Variants in KLHL29 observed in about 807,000 individuals in gnomAD.
KLHL29 encodes the protein kelch like family member 29.
A neutral mutation model predicts 80.4 loss-of-function variants in KLHL29; 21 were observed. That is an observed-to-expected ratio of 0.26 (90% confidence interval 0.19 to 0.38). KLHL29 has a LOEUF of 0.38. Ranked by LOEUF, KLHL29 falls within the 10% of genes least tolerant of loss-of-function variation. The pLI is 1.00. For missense variants in KLHL29, 867 were observed against 1,223.9 expected (o/e 0.71, Z 4.35); for synonymous variants, 511 against 526.8 (o/e 0.97, Z 0.41).
At chr2:23,688,552 T>C (rs2149199012) in intron 6 of KLHL29, among the ~76,000 whole-genome samples, 1 of 152,270 alleles carries the variant, frequency 6.6e-6, no homozygotes. Flanking sequence ...TAGCCATTCC[T>C]CTGCTGAGCA....
At position 23,551,909 on chromosome 2, in the gene KLHL29, G is replaced by T. The variant is rs1193608611; in HGVS notation, c.-45-10243G>T. Among the ~76,000 whole-genome samples, 11 of 152,378 alleles carry T rather than the reference G, an allele frequency of 7.2e-5. No individual in the cohort carries two copies. The East Asian group carries it at 1.9e-3, about 27-fold the overall frequency. On this transcript the variant is annotated intron_variant, in intron 2 of 13. Transcript: ENST00000486442. ...TATGGACCACATTTTGAGTAGGGAG[G>T]AGATAGGCCACTATGCCCAGCCCTG...
chr2:23,448,113 A>G (rs1194403080), intron 1 of KLHL29, among the ~76,000 whole-genome samples: 2 of 152,096 alleles, frequency 1.3e-5, no homozygotes, highest in Non-Finnish European at 2.9e-5. Flanking sequence ...AATACTTTGT[A>G]TACTAAGGAC....
chr2:23,460,133 C>A (rs1664169494), intron 1 of KLHL29, among the ~76,000 whole-genome samples: 1 of 152,208 alleles, frequency 6.6e-6, no homozygotes, highest in African/African-American at 2.4e-5. Flanking sequence ...TCCAACATGC[C>A]TATCTCAACC....
At chr2:23,458,944 A>G (rs934506876) in intron 1 of KLHL29, among the ~76,000 whole-genome samples, 1 of 152,240 alleles carries the variant, frequency 6.6e-6, no homozygotes, top group African/African-American at 2.4e-5. Flanking sequence ...TTGCTGCAAC[A>G]TGAAAGCAGA....
intron 5 of KLHL29, among the ~76,000 whole-genome samples, chr2:23,665,516 G>A (rs537641788): frequency 6.6e-6 from 1 of 152,292 alleles, no homozygotes; most frequent in South Asian, 2.1e-4. Context: ...TTTCAACTAG[G>A]GAACTGTCCT....
At chr2:23,613,790 A>AAC (rs1668933636) in intron 3 of KLHL29, among the ~76,000 whole-genome samples, 1 of 146,586 alleles carries the variant, frequency 6.8e-6, no homozygotes, top group African/African-American at 2.5e-5. Context: ...AAAAAAAAAA[A>AAC]CCCACCACTC....
At chr2:23,388,518 C>T (rs1444119791) in intron 1 of KLHL29, among the ~76,000 whole-genome samples, 5 of 152,148 alleles carry the variant, frequency 3.3e-5, no homozygotes, top group East Asian at 1.9e-4. Context: ...AAGTGAGGCA[C>T]ATCATTAGTC....
intron 1 of KLHL29, among the ~76,000 whole-genome samples, chr2:23,441,879 G>C (rs1276261367): frequency 6.6e-6 from 1 of 152,146 alleles, no homozygotes; most frequent in Non-Finnish European, 1.5e-5. Context: ...GCCTCTGCTT[G>C]TATCATGTTT....
chr2:23,683,507 CCTT>C (rs1335396248), intron 5 of KLHL29, among the ~76,000 whole-genome samples: 1 of 152,220 alleles, frequency 6.6e-6, no homozygotes, highest in African/African-American at 2.4e-5. Flanking sequence ...GCTCTTCCCT[CCTT>C]CTCCTTTCTA....
intron 3 of KLHL29, among the ~76,000 whole-genome samples, chr2:23,633,756 C>CTGTGTGTGTGT (rs35002083): frequency 0.036 from 5,328 of 147,172 alleles, 162 homozygotes; most frequent in African/African-American, 0.067. Context: ...TCACAGCACT[C>CTGTGTGTGTGT]GTGTGTGTGT....
chr2:23,511,878 G>A (rs1428158239), intron 2 of KLHL29, among the ~76,000 whole-genome samples: 5 of 152,218 alleles, frequency 3.3e-5, no homozygotes, highest in East Asian at 1.9e-4. Context: ...TGCTGGTGGC[G>A]AGTTCTGACT....
intron 7 of KLHL29, 108 bp downstream of exon 7, chr2:23,691,984 G>C (rs1330850286): frequency 1.8e-6 from 2 of 1,100,882 alleles, no homozygotes; most frequent in Admixed American, 2.2e-5. Context: ...CACACCTGAA[G>C]CTCCCTCACA....
intron 3 of KLHL29, among the ~76,000 whole-genome samples, chr2:23,626,412 C>T (rs570831122): frequency 1.0e-3 from 159 of 152,292 alleles, no homozygotes; most frequent in Admixed American, 3.7e-3. Flanking sequence ...CTGGTTTAAG[C>T]CATCCAGTGA....
chr2:23,544,792 G>T (rs913526229), intron 2 of KLHL29, among the ~76,000 whole-genome samples: 1 of 152,180 alleles, frequency 6.6e-6, no homozygotes, highest in African/African-American at 2.4e-5. Flanking sequence ...AGGTAGAATG[G>T]GGCCTAAAGT....
At chr2:23,412,090 G>A (rs965638268) in intron 1 of KLHL29, among the ~76,000 whole-genome samples, 1 of 147,700 alleles carries the variant, frequency 6.8e-6, no homozygotes, top group Non-Finnish European at 1.5e-5. Flanking sequence ...GAGTATGTCG[G>A]GTATGTATGT....
chr2:23,443,884 T>C (rs929998318), intron 1 of KLHL29, among the ~76,000 whole-genome samples: 5 of 152,234 alleles, frequency 3.3e-5, no homozygotes, highest in African/African-American at 7.2e-5. Flanking sequence ...GGAGCAGATA[T>C]GCTGTTTCCC....
intron 3 of KLHL29, among the ~76,000 whole-genome samples, chr2:23,606,305 G>A (rs940394548): frequency 6.6e-6 from 1 of 152,098 alleles, no homozygotes; most frequent in Non-Finnish European, 1.5e-5. Context: ...GCCTGCTCAG[G>A]AAAGCTGGAA....
intron 3 of KLHL29, among the ~76,000 whole-genome samples, chr2:23,577,659 A>G (rs1017475598): frequency 6.6e-6 from 1 of 151,676 alleles, no homozygotes; most frequent in African/African-American, 2.4e-5. Flanking sequence ...GAGGCAAGAG[A>G]ATTGCTTGAA....
At chr2:23,623,018 C>G (rs1039832915) in intron 3 of KLHL29, among the ~76,000 whole-genome samples, 1 of 152,190 alleles carries the variant, frequency 6.6e-6, no homozygotes, top group African/African-American at 2.4e-5. Context: ...GTCCTGCCCT[C>G]AGGAGCTCAC....
Sources: gnomAD v4.1 joint callset for allele counts (sites outside exome capture counted in the v4.1 genomes callset) on GRCh38, gnomAD v4.1.1 for gene constraint, MANE v1.5 for transcripts, NCBI Gene and HGNC (gene_info 2026-07-23, HGNC 2026-07-21) for gene names.